LCT: variants seen among roughly 807,000 people sequenced by gnomAD.
LCT encodes lactase.
LCT carries 90 observed loss-of-function variants against 173.0 expected under a neutral mutation model. That is an observed-to-expected ratio of 0.52 (90% CI 0.44 to 0.62). LCT has a LOEUF of 0.62. LCT is among the 20% of genes least tolerant of loss of function. The probability of loss-of-function intolerance (pLI) is 0.00; values close to 1 mark genes in which losing one functional copy is unlikely to be tolerated. For missense variants in LCT, 1,864 were observed against 2,431.4 expected, an observed-to-expected ratio of 0.77 and a Z score of 4.91; for synonymous variants, 853 against 957.6, an observed-to-expected ratio of 0.89 and a Z score of 2.02.
chr2:135,794,839 C>A, intron 13 of LCT, 64 bp from the exon 14 acceptor site: 1 of 1,598,784 alleles, frequency 6.3e-7, no homozygotes. Context: ...AAGAGAACGT[C>A]ATAGGGCTGG....
At chr2:135,835,613 A>G (rs548969611) in intron 1 of LCT, among the ~76,000 whole-genome samples, 47 of 149,682 alleles carry the variant, frequency 3.1e-4, no homozygotes, top group African/African-American at 1.0e-3. Context: ...TTGATTCTCA[A>G]AATTGGTGTA....
At chr2:135,836,416 T>A (rs2105562232) in intron 1 of LCT, 114 bp downstream of exon 1, 1 of 950,686 alleles carries the variant, frequency 1.1e-6, no homozygotes, top group Admixed American at 1.7e-5. Flanking sequence ...TGCACAGACA[T>A]AAGAGGACTG....
chr2:135,821,815 G>A, intron 5 of LCT: 1 of 571,118 alleles, frequency 1.8e-6, no homozygotes, highest in East Asian at 3.0e-5. Context: ...ACTGACAGAT[G>A]AGAAAGCAGA....
At position 135,836,744 on chromosome 2, in the gene LCT, C is replaced by G. The variant is rs370640570; in HGVS notation, c.426G>C (p.Arg142=). ...AGAGGTCAGCAAAGGCTTCGGTTCT[C>G]CGGAGGGTGCTGGCAGGGAGGGTCT... is the stretch of plus-strand genomic sequence containing the variant. ...HHQTLPASTL[R]RTEAFADLFA... is the part of the protein sequence containing the mutation. The change falls in exon 1 of 17, where the codon CGG becomes CGC. Residue 142 remains arginine (R), a synonymous_variant. Coordinates refer to ENST00000264162, the MANE Select transcript of LCT (RefSeq NM_002299.4). 2.5e-6 allele frequency: 4 copies of G among 1,614,016 alleles called. No homozygotes were observed. Among genetic ancestry groups the G allele is most frequent in the South Asian group, 1.1e-5 (1 of 91,074 alleles).
chr2:135,792,969 C>G (rs2077544269), intron 14 of LCT, among the ~76,000 whole-genome samples: 1 of 152,240 alleles, frequency 6.6e-6, no homozygotes, highest in Non-Finnish European at 1.5e-5. Flanking sequence ...TCAAAAGTGC[C>G]ACCTCCTCTC....
At chr2:135,791,526 G>T (rs1488441242) in intron 14 of LCT, among the ~76,000 whole-genome samples, 1 of 151,986 alleles carries the variant, frequency 6.6e-6, no homozygotes, top group Non-Finnish European at 1.5e-5. Context: ...TAAGAACCAA[G>T]AATTTAGACA....
intron 12 of LCT, among the ~76,000 whole-genome samples, chr2:135,798,910 G>A (rs3769012): frequency 0.18 from 28,017 of 152,054 alleles, 2,863 homozygotes; most frequent in Middle Eastern, 0.4. Flanking sequence ...AGATATTTTC[G>A]TGGAAGCTGA....
At chr2:135,800,938 T>A in intron 11 of LCT, 129 bp from the exon 12 acceptor site, 3 of 743,356 alleles carry the variant, frequency 4.0e-6, no homozygotes, top group Non-Finnish European at 7.0e-6. Context: ...CTAGGAAAAC[T>A]GGAATTCAAA....
chr2:135,817,908 A>T lies in LCT; in HGVS notation c.1140T>A (p.Asp380Glu). ...CCCAGAGGAAGCCTTCAGGGAAAGT[A>T]TCCTGCAGGAAGGCATCCCTTTCCG... is the stretch of plus-strand genomic sequence containing the variant. ...SRAERDAFLQDTFPEGFLWGA... is the reference protein window; with the variant it reads ...SRAERDAFLQETFPEGFLWGA... Residue 380 changes from aspartate (D) to glutamate (E), a missense_variant, in exon 6 of 17, where the codon GAT becomes GAA. By Grantham distance (45) the Asp-to-Glu change is conservative (BLOSUM62 2). This residue lies in a region of LCT where 412 missense variants were observed against 462.0 expected (regional missense o/e 0.89). Transcript: ENST00000264162. 6.2e-7 allele frequency: 1 copy of T among 1,614,032 alleles called. No individual in the cohort carries two copies. The highest frequency in any genetic ancestry group is 8.5e-7 in the Non-Finnish European group (1 of 1,179,990).
chr2:135,810,236 G>C, intron 7 of LCT: 1 of 469,780 alleles, frequency 2.1e-6, no homozygotes. Flanking sequence ...TCTGTAACTG[G>C]TTGTGAACAG....
chr2:135,790,741 C>T lies in LCT; in HGVS notation c.5252G>A (p.Gly1751Glu). The T allele has an allele frequency of 6.2e-7, 1 of 1,613,868 alleles. No individual in the cohort carries two copies. Among genetic ancestry groups the T allele is most frequent in the South Asian group, 1.1e-5 (1 of 91,076 alleles). Residue 1751 changes from glycine (G) to glutamate (E), a missense_variant, in exon 15 of 17, where the codon GGA (glycine) becomes GAA (glutamate). Gly to Glu is a moderately conservative substitution (Grantham distance 98, BLOSUM62 -2). Coordinates refer to ENST00000264162, the MANE Select transcript of LCT (RefSeq NM_002299.4). The surrounding 1 kb of genome is among the most constrained non-coding windows in gnomAD (Gnocchi z 4.1). ...NDPPIYVTENGVSQREETDLN... is the reference protein window; with the variant it reads ...NDPPIYVTENEVSQREETDLN... ...GTCTGTTTCTTCCCGCTGGGACACT[C>T]CATTCTCTGTGACATAAATTGGAGG...
intron 3 of LCT, among the ~76,000 whole-genome samples, chr2:135,828,413 G>T (rs541964415): frequency 6.6e-6 from 1 of 152,156 alleles, no homozygotes; most frequent in African/African-American, 2.4e-5. Flanking sequence ...TGAGTGTAGG[G>T]GGCTGCTCTG....
chr2:135,800,387 C>T (rs1559550738), intron 12 of LCT, among the ~76,000 whole-genome samples: 1 of 152,018 alleles, frequency 6.6e-6, no homozygotes, highest in Non-Finnish European at 1.5e-5. Flanking sequence ...GTCACCATGC[C>T]CTAATAATTT....
rs763726648 is a variant in LCT, at chr2:135,808,938, G to A, written c.3409C>T (p.Pro1137Ser). 8.1e-6 allele frequency: 13 copies of A among 1,614,080 alleles called. No individual in the cohort carries two copies. Among genetic ancestry groups the A allele is most frequent in the Middle Eastern group, 3.3e-4 (2 of 6,084 alleles). The change falls in exon 8 of 17, where the codon CCC (proline) becomes TCC (serine). Residue 1137 changes from proline to serine, a missense_variant. Physicochemically the swap from Pro to Ser is moderately conservative, Grantham distance 74 (BLOSUM62 -1). Around this residue, in one of 4 missense-constraint regions of LCT, gnomAD observed 755 missense variants for 926.3 expected, o/e 0.82. Transcript: ENST00000264162. ...CGGTCAGCGGCTTCCACATCTCTGG[G>A]GACCCCTGGTGACTTGGGCTCTGCC... ...HWAEPKSPGV[P>S]RDVEAADRML...
chr2:135,790,710 A>G lies in LCT; in HGVS notation c.5283T>C (p.Asn1761=). 6.2e-7 allele frequency: 1 copy of G among 1,613,602 alleles called. No homozygotes were observed. Among genetic ancestry groups the G allele is most frequent in the Non-Finnish European group, 8.5e-7 (1 of 1,179,962 alleles). ...GAAGGTAGTAGATCCTTGCAGTGTC[A>G]TTGAGGTCTGTTTCTTCCCGCTGGG... ...GVSQREETDL[N]DTARIYYLRT... is the part of the protein sequence containing the mutation. Residue 1761 remains asparagine, a synonymous_variant, in exon 15 of 17, where the codon AAT becomes AAC. Coordinates refer to ENST00000264162, the MANE Select transcript of LCT (RefSeq NM_002299.4). The surrounding 1 kb of genome is among the most constrained non-coding windows in gnomAD (Gnocchi z 4.1).
intron 1 of LCT, 139 bp from the exon 2 acceptor site, chr2:135,833,329 A>G: frequency 1.3e-6 from 1 of 746,138 alleles, no homozygotes; most frequent in Non-Finnish European, 2.4e-6. Flanking sequence ...ATTTTAGAAG[A>G]CAAGGTGGCT....
chr2:135,827,785 G>T (rs1575348302), intron 3 of LCT, among the ~76,000 whole-genome samples: 1 of 152,288 alleles, frequency 6.6e-6, no homozygotes, highest in East Asian at 1.9e-4. Context: ...GTGCAGCCAG[G>T]TTCCTAACAG....
intron 6 of LCT, among the ~76,000 whole-genome samples, chr2:135,814,951 G>C (rs2077767168): frequency 2.0e-5 from 3 of 152,150 alleles, no homozygotes; most frequent in Non-Finnish European, 4.4e-5. Flanking sequence ...GGGGTGATTA[G>C]ATTTAGAGGA....
Position 135,817,955 on chromosome 2 carries a change from C to A in LCT, c.1093G>T (p.Ala365Ser). The change falls in exon 6 of 17, where the codon GCA becomes TCA. Residue 365 changes from alanine to serine, a missense_variant. This residue lies in a region of LCT where 412 missense variants were observed against 462.0 expected (regional missense o/e 0.89). Transcript: ENST00000264162. ...PASAYQRIWE[A>S]FANQSRAERD... ...TCCGCCCTGGACTGATTGGCAAATG[C>A]TTCCCAGATTCTCTGATAGGCAGAG... 1.9e-6 allele frequency: 3 copies of A among 1,613,960 alleles called. No individual in the cohort carries two copies. The highest frequency in any genetic ancestry group is 2.5e-6 in the Non-Finnish European group (3 of 1,180,014).
Sources: allele counts gnomAD v4.1 joint callset (sites outside exome capture counted in the v4.1 genomes callset), GRCh38; gene constraint gnomAD v4.1.1; regional missense constraint gnomAD v4.1.1; non-coding constraint Gnocchi (gnomAD v3.1); transcripts MANE v1.5; gene names NCBI Gene and HGNC (gene_info 2026-07-23, HGNC 2026-07-21).